Variants in ADPGK observed in about 807,000 individuals in gnomAD.
ADPGK encodes the protein ADP-dependent glucokinase.
ADPGK carries 26 observed loss-of-function variants against 42.4 expected under a neutral mutation model. The ratio of observed to expected loss-of-function variants is 0.61; its 90% CI spans 0.45 to 0.85. The LOEUF (loss-of-function observed/expected upper bound fraction) is 0.85, where lower values mean the gene tolerates loss of function less well. Ranked by LOEUF, ADPGK falls within the 40% of genes least tolerant of loss-of-function variation. ADPGK has a pLI of 0.00. For missense variants in ADPGK, 571 were observed against 627.0 expected, an observed-to-expected ratio of 0.91 and a Z score of 0.95; for synonymous variants, 267 against 252.6, an observed-to-expected ratio of 1.06 and a Z score of -0.54.
At chr15:72,765,411 A>G (rs1014545647) in intron 3 of ADPGK, among the ~76,000 whole-genome samples, 2 of 152,188 alleles carry the variant, frequency 1.3e-5, no homozygotes, top group Admixed American at 6.5e-5. Flanking sequence ...CGGCCTCCCA[A>G]AGTGCTGGGA....
At chr15:72,779,995 G>C (rs1377010431) in intron 1 of ADPGK, among the ~76,000 whole-genome samples, 3 of 152,194 alleles carry the variant, frequency 2.0e-5, no homozygotes, top group African/African-American at 4.8e-5. Flanking sequence ...AACCAGAAAT[G>C]GGAAAGACCA....
chr15:72,755,073 C>T (rs1429755678), intron 6 of ADPGK, among the ~76,000 whole-genome samples: 2 of 152,158 alleles, frequency 1.3e-5, no homozygotes, highest in African/African-American at 2.4e-5. Context: ...TCATGAAGCC[C>T]GTGAGTGCAA....
At chr15:72,774,328 C>T (rs1253139852) in intron 2 of ADPGK, among the ~76,000 whole-genome samples, 1 of 152,084 alleles carries the variant, frequency 6.6e-6, no homozygotes. Context: ...AACCAACCAA[C>T]CAAAACTCAG....
chr15:72,756,466 C>G lies in ADPGK; in HGVS notation c.644-19G>C. ...TCCTCCCCTGGAAAAACCCAGTCAACACAATGGGAAGAAAAGGAAGAGGCT... is the reference window on the plus strand; with the variant it reads ...TCCTCCCCTGGAAAAACCCAGTCAAGACAATGGGAAGAAAAGGAAGAGGCT... On this transcript the variant is annotated intron_variant, in intron 4 of 6. Coordinates refer to ENST00000456471, the MANE Select transcript of ADPGK (RefSeq NM_001365225.1). The G allele has an allele frequency of 1.2e-6, 2 of 1,613,600 alleles. No homozygotes were observed. Among genetic ancestry groups the G allele is most frequent in the South Asian group, 1.1e-5 (1 of 91,046 alleles).
intron 3 of ADPGK, among the ~76,000 whole-genome samples, chr15:72,762,231 G>A (rs1363841072): frequency 2.0e-5 from 3 of 151,668 alleles, no homozygotes; most frequent in African/African-American, 7.3e-5. Context: ...GGCTAGTCTC[G>A]AACTCCTGAG....
chr15:72,783,619 G>C lies in ADPGK; in HGVS notation c.73C>G (p.Pro25Ala). 1 of 1,515,376 alleles carries C rather than the reference G, an allele frequency of 6.6e-7. No homozygotes were observed. Among genetic ancestry groups the C allele is most frequent in the Non-Finnish European group, 8.8e-7 (1 of 1,139,718 alleles). The allele number at this position is 1,515,376 out of a possible 1,614,324, so 93.9% of individuals were successfully genotyped here. A position where few individuals can be genotyped will look rare whatever the true frequency, so the allele number is the denominator to read the frequency against. ...LAVGCVFLLEPELPGSALRSL... is the reference protein window; with the variant it reads ...LAVGCVFLLEAELPGSALRSL... ...CGCAGCGCCGAGCCTGGCAGCTCTG[G>C]CTCCAGCAGGAAGACGCAGCCCACG... The change falls in exon 1 of 7, where the codon CCA (proline) becomes GCA (alanine). Residue 25 changes from proline to alanine, a missense_variant. Transcript: ENST00000456471.
At chr15:72,772,312 C>T (rs868697528) in intron 2 of ADPGK, among the ~76,000 whole-genome samples, 46 of 152,198 alleles carry the variant, frequency 3.0e-4, no homozygotes, top group Admixed American at 2.6e-3. Context: ...CATCTCCTGC[C>T]CTTCCCTTCC....
chr15:72,756,801 C>T (rs544558242), intron 4 of ADPGK: 48 of 282,986 alleles, frequency 1.7e-4, no homozygotes, highest in Non-Finnish European at 2.9e-4. Context: ...GTGTGCAGCA[C>T]GCACGCCCTG....
Position 72,755,568 on chromosome 15 carries a change from G to A in ADPGK, c.927C>T (p.Ser309=). 6.2e-7 allele frequency: 1 copy of A among 1,613,426 alleles called. No homozygotes were observed. Among genetic ancestry groups the A allele is most frequent in the Non-Finnish European group, 8.5e-7 (1 of 1,179,414 alleles). Residue 309 remains serine (S), a synonymous_variant, in exon 6 of 7, where the codon AGC becomes AGT. Transcript: ENST00000456471. ...CCCATGAGGTTACCTGATGGACAATGCTGCTCATGAGCTCCCTGTTAGTCA... is the reference window on the plus strand; with the variant it reads ...CCCATGAGGTTACCTGATGGACAATACTGCTCATGAGCTCCCTGTTAGTCA... ...ASMTNRELMS[S]IVHQQVFPAV...
chr15:72,754,105 A>C (rs151311747), intron 6 of ADPGK, among the ~76,000 whole-genome samples: 2,016 of 152,094 alleles, frequency 0.013, 47 homozygotes, highest in African/African-American at 0.046. Flanking sequence ...CAAAAAAAAA[A>C]AAAACAAAAC....
At chr15:72,762,711 G>GA (rs2066209957) in intron 3 of ADPGK, among the ~76,000 whole-genome samples, 1 of 152,194 alleles carries the variant, frequency 6.6e-6, no homozygotes, top group African/African-American at 2.4e-5. Flanking sequence ...GCCAGGTGTG[G>GA]TGGCTCATGC....
chr15:72,762,434 AT>A (rs1211117397), intron 3 of ADPGK, among the ~76,000 whole-genome samples: 1 of 152,186 alleles, frequency 6.6e-6, no homozygotes, highest in East Asian at 1.9e-4. Flanking sequence ...CACCTTCTGG[AT>A]AAAAACATAC....
rs1376305360 is a variant in ADPGK at position 72,752,342 on chromosome 15, T to C, written c.1493A>G (p.Ter498TrpextTer4). 1.2e-6 allele frequency: 2 copies of C among 1,609,150 alleles called. No individual in the cohort carries two copies. The highest frequency in any genetic ancestry group is 1.7e-5 in the Admixed American group (1 of 59,634). ...LFYSEVHPHY[*>W] ...GAAAAATTACCCCTAAGAATCTTCC[T>C]AATAGTGAGGGTGTACTTCCGAATA... The change falls in exon 7 of 7, where the codon TAG (stop) becomes TGG (tryptophan). Residue 498 changes from the stop codon to tryptophan, a stop_lost. Coordinates refer to ENST00000456471, the MANE Select transcript of ADPGK (RefSeq NM_001365225.1).
At chr15:72,782,542 AAAAAAAC>A (rs1297687467) in intron 1 of ADPGK, among the ~76,000 whole-genome samples, 3 of 151,030 alleles carry the variant, frequency 2.0e-5, no homozygotes, top group Non-Finnish European at 4.4e-5. Flanking sequence ...AAAAAAAAAA[AAAAAAAC>A]CCCAAAATTA....
intron 4 of ADPGK, 123 bp from the exon 5 acceptor site, chr15:72,756,570 G>T: frequency 9.6e-7 from 1 of 1,046,268 alleles, no homozygotes; most frequent in Non-Finnish European, 1.4e-6. Context: ...TCTGGCTGAG[G>T]AGACCCCAGC....
intron 4 of ADPGK, chr15:72,758,261 C>T (rs967126520): frequency 6.1e-6 from 5 of 813,928 alleles, no homozygotes; most frequent in African/African-American, 5.0e-5. Flanking sequence ...AGTTAGCGCC[C>T]CTCTTTCCTC....
intron 1 of ADPGK, among the ~76,000 whole-genome samples, chr15:72,779,861 A>T (rs1241799184): frequency 1.3e-5 from 2 of 152,228 alleles, no homozygotes; most frequent in Non-Finnish European, 2.9e-5. Flanking sequence ...TAGCTGACAG[A>T]GAAGCTTCAT....
At chr15:72,783,233 G>A (rs2066490265) in intron 1 of ADPGK, 1 of 1,235,300 alleles carries the variant, frequency 8.1e-7, no homozygotes, top group Non-Finnish European at 1.0e-6. Flanking sequence ...GAAGCTGTTA[G>A]GGCTGGTCCT....
intron 1 of ADPGK, among the ~76,000 whole-genome samples, chr15:72,781,147 C>A (rs1203720509): frequency 6.6e-6 from 1 of 152,206 alleles, no homozygotes; most frequent in South Asian, 2.1e-4. Context: ...CTATATCCCC[C>A]TATCTTTGGG....
Sources: gnomAD v4.1 joint callset for allele counts (sites outside exome capture counted in the v4.1 genomes callset) on GRCh38, gnomAD v4.1.1 for gene constraint, MANE v1.5 for transcripts, NCBI Gene and HGNC (gene_info 2026-07-23, HGNC 2026-07-21) for gene names.